The following PREX2 variants were observed in gnomAD, a reference collection of about 807,000 sequenced individuals.
PREX2 encodes phosphatidylinositol-3,4,5-trisphosphate dependent Rac exchange factor 2, also known as phosphatidylinositol 3,4,5-trisphosphate-dependent Rac exchanger 2 protein.
PREX2 carries 107 observed loss-of-function variants against 203.2 expected under a neutral mutation model. That is an observed-to-expected ratio of 0.53 (90% confidence interval 0.45 to 0.62). The LOEUF (loss-of-function observed/expected upper bound fraction) is 0.62, where lower values mean the gene tolerates loss of function less well. PREX2 is among the 20% of genes least tolerant of loss of function. The pLI, the probability that PREX2 is intolerant of heterozygous loss-of-function variation, is 0.00. For synonymous variants in PREX2, 672 were observed against 663.6 expected (o/e 1.01, Z -0.19); for missense variants, 1,777 against 1,955.9 (o/e 0.91, Z 1.72).
chr8:68,082,987 T>G, intron 17 of PREX2: 2 of 338,048 alleles, frequency 5.9e-6, no homozygotes, highest in Non-Finnish European at 1.1e-5. Context: ...AAGAGGGGAG[T>G]AGGATGTTAA....
chr8:68,236,852 T>C lies in PREX2; in HGVS notation c.*5474T>C, dbSNP rs1177640803. The C allele has an allele frequency of 6.6e-6, 1 of 152,140 alleles. No individual in the cohort carries two copies. Among genetic ancestry groups the C allele is most frequent in the East Asian group, 1.9e-4 (1 of 5,194 alleles). The allele number at this position is 152,140 out of a possible 1,614,324, so 9.4% of individuals were successfully genotyped here. On this transcript the variant is annotated 3_prime_UTR_variant, in exon 40 of 40. Coordinates refer to ENST00000288368, the MANE Select transcript of PREX2 (RefSeq NM_024870.4). ...GATGTGTTATTATAAAAGTCATCTT[T>C]TTTTCCTTTGTAAAATATCCATGTA...
At position 67,969,781 on chromosome 8, in the gene PREX2, G is replaced by GCTGTGAGA. The variant is rs573547643; in HGVS notation, c.141+17247_141+17248insTGTGAGAC. Among the ~76,000 whole-genome samples the GCTGTGAGA allele has an allele frequency of 7.7e-4, 118 of 152,288 alleles. No individual in the cohort carries two copies. In the Middle Eastern group the frequency reaches 0.01, roughly 13 times the overall value. On this transcript the variant is annotated intron_variant, in intron 1 of 39. Coordinates refer to ENST00000288368, the MANE Select transcript of PREX2 (RefSeq NM_024870.4). ...CTTCCTGACAGCTTGTTCGAAGGTTGCCATTTATTTTGGTGAGTGGGTTCA... is the reference window on the plus strand; with the variant it reads ...CTTCCTGACAGCTTGTTCGAAGGTTGCTGTGAGACCATTTATTTTGGTGAGTGGGTTCA...
chr8:68,211,854 G>T (rs1416045152), intron 37 of PREX2, among the ~76,000 whole-genome samples: 1 of 152,172 alleles, frequency 6.6e-6, no homozygotes, highest in African/African-American at 2.4e-5. Context: ...AGTGGGAGAG[G>T]ATGAAGAGTT....
At chr8:67,987,554 A>G (rs931123959) in intron 1 of PREX2, among the ~76,000 whole-genome samples, 2 of 152,100 alleles carry the variant, frequency 1.3e-5, no homozygotes, top group Non-Finnish European at 1.5e-5. Flanking sequence ...CTCCAGGTAC[A>G]TTTCAGATTC....
intron 20 of PREX2, among the ~76,000 whole-genome samples, chr8:68,092,087 G>A (rs926351615): frequency 5.3e-5 from 8 of 152,120 alleles, no homozygotes; most frequent in African/African-American, 1.9e-4. Context: ...CCATGTGGCA[G>A]GTCACCCTCC....
rs926823572 is a variant in PREX2, at chr8:68,233,183, A to G, written c.*1805A>G. 2.6e-5 allele frequency: 4 copies of G among 152,224 alleles called. No individual in the cohort carries two copies. Among genetic ancestry groups the G allele is most frequent in the Admixed American group, 1.3e-4 (2 of 15,284 alleles). The allele number at this position is 152,224 out of a possible 1,614,324, so 9.4% of individuals were successfully genotyped here. ...GTTGAACATTTTGAATTTAATAAAG[A>G]TATCTTTACAAAAATAACCTTCAAG... On this transcript the variant is annotated 3_prime_UTR_variant, in exon 40 of 40. Transcript: ENST00000288368.
intron 19 of PREX2, among the ~76,000 whole-genome samples, chr8:68,090,112 A>AT (rs1235054293): frequency 1.3e-5 from 2 of 152,040 alleles, no homozygotes; most frequent in African/African-American, 4.8e-5. Context: ...CATTGACTTG[A>AT]TTTTTCTCTT....
At chr8:68,008,368 G>T (rs1005444817) in intron 1 of PREX2, among the ~76,000 whole-genome samples, 1 of 152,128 alleles carries the variant, frequency 6.6e-6, no homozygotes, top group African/African-American at 2.4e-5. Flanking sequence ...AAAAGGAAAG[G>T]AAACAAATTG....
intron 37 of PREX2, among the ~76,000 whole-genome samples, chr8:68,211,630 C>T (rs528537308): frequency 2.2e-4 from 33 of 152,298 alleles, no homozygotes; most frequent in African/African-American, 7.5e-4. Context: ...CTGGGTACAG[C>T]TCCATAAGAT....
chr8:68,008,167 A>C (rs1030415824), intron 1 of PREX2, among the ~76,000 whole-genome samples: 2 of 152,168 alleles, frequency 1.3e-5, no homozygotes, highest in African/African-American at 4.8e-5. Context: ...CTGTTGTCCC[A>C]AAACCTGGCA....
At chr8:68,075,522 T>C (rs556114563) in intron 14 of PREX2, among the ~76,000 whole-genome samples, 1 of 152,302 alleles carries the variant, frequency 6.6e-6, no homozygotes, top group African/African-American at 2.4e-5. Flanking sequence ...GGTCACCTTC[T>C]GTGGTCCCAG....
At chr8:68,098,940 A>G (rs1476929770) in intron 22 of PREX2, among the ~76,000 whole-genome samples, 551 of 33,648 alleles carry the variant, frequency 0.016, 3 homozygotes, top group African/African-American at 0.044. Context: ...ATATATGTGT[A>G]TATATATATA....
chr8:68,188,277 TGA>T (rs1251543749), intron 35 of PREX2, among the ~76,000 whole-genome samples: 2 of 151,562 alleles, frequency 1.3e-5, no homozygotes, highest in Non-Finnish European at 2.9e-5. Context: ...AAGAGGATGA[TGA>T]GAGAGAGAGA....
intron 37 of PREX2, among the ~76,000 whole-genome samples, chr8:68,205,376 GTGTT>G (rs983605255): frequency 6.6e-6 from 1 of 152,138 alleles, no homozygotes; most frequent in African/African-American, 2.4e-5. Context: ...AATAACTTAA[GTGTT>G]TGGGTTTTTC....
chr8:67,986,412 G>T (rs937258888), intron 1 of PREX2, among the ~76,000 whole-genome samples: 1 of 151,922 alleles, frequency 6.6e-6, no homozygotes, highest in African/African-American at 2.4e-5. Context: ...TGCCGGGAGC[G>T]TAGGGCTGCT....
chr8:68,130,607 C>T (rs1358658947), intron 31 of PREX2, among the ~76,000 whole-genome samples: 1 of 152,096 alleles, frequency 6.6e-6, no homozygotes, highest in East Asian at 1.9e-4. Context: ...TTACTGTAGA[C>T]CTAAGAAGGA....
intron 1 of PREX2, among the ~76,000 whole-genome samples, chr8:67,959,368 G>A (rs969946096): frequency 6.6e-6 from 1 of 152,162 alleles, no homozygotes; most frequent in Non-Finnish European, 1.5e-5. Context: ...GTTGAGACAC[G>A]AGTGGAAGCT....
chr8:68,013,429 T>C (rs1807322263), intron 1 of PREX2, among the ~76,000 whole-genome samples: 1 of 152,154 alleles, frequency 6.6e-6, no homozygotes, highest in Admixed American at 6.6e-5. Context: ...TCCACACTGG[T>C]GCCCAATAGA....
intron 15 of PREX2, among the ~76,000 whole-genome samples, chr8:68,078,573 A>T (rs1453889451): frequency 6.6e-6 from 1 of 152,222 alleles, no homozygotes; most frequent in African/African-American, 2.4e-5. Context: ...AGAAGGAAGT[A>T]CAGCAAAGGT....
Sources: allele counts gnomAD v4.1 joint callset (sites outside exome capture counted in the v4.1 genomes callset), GRCh38; gene constraint gnomAD v4.1.1; transcripts MANE v1.5; gene names NCBI Gene and HGNC (gene_info 2026-07-23, HGNC 2026-07-21).